The following SLC25A25 variants were observed in gnomAD, a reference collection of about 807,000 sequenced individuals.
The protein encoded by SLC25A25 is solute carrier family 25 member 25.
A neutral mutation model predicts 57.7 loss-of-function variants in SLC25A25; 32 were observed. The observed-to-expected ratio is 0.55, with a 90% CI of 0.42 to 0.74. The LOEUF is 0.74. SLC25A25 is among the 30% of genes least tolerant of loss of function. The pLI is 0.00. For synonymous variants in SLC25A25, 306 were observed against 291.2 expected (o/e 1.05, Z -0.52); for missense variants, 556 against 701.3 (o/e 0.79, Z 2.34).
rs1398642632 is a variant in SLC25A25, at chr9:128,103,754, G to A, written c.698G>A (p.Trp233Ter). The A allele has an allele frequency of 6.2e-7, 1 of 1,614,144 alleles. No individual in the cohort carries two copies. The highest frequency in any genetic ancestry group is 8.5e-7 in the Non-Finnish European group (1 of 1,180,010). Residue 233 changes from tryptophan (W) to a stop codon, truncating the protein, a stop_gained, in exon 6 of 11, where the codon TGG (tryptophan) becomes TAG (stop). Coordinates refer to ENST00000373069, the MANE Select transcript of SLC25A25 (RefSeq NM_001330988.2). LOFTEE classifies it high-confidence loss of function. This position sits in a 1 kb window ranked among gnomAD's most constrained non-coding sequence, Gnocchi z 6.7. ...TVEERQTGMW[W>*]RHLVAGGGAG... Reference sequence around the variant, plus strand: ...GAGGAGAGGCAGACGGGGATGTGGTGGAGACACCTGGTGGCAGGAGGTGGG... The same window carrying A: ...GAGGAGAGGCAGACGGGGATGTGGTAGAGACACCTGGTGGCAGGAGGTGGG...
At chr9:128,086,844 C>A (rs1833286831) in intron 1 of SLC25A25, among the ~76,000 whole-genome samples, 1 of 152,172 alleles carries the variant, frequency 6.6e-6, no homozygotes, top group Non-Finnish European at 1.5e-5. Context: ...GGTCCTCATG[C>A]ATTTTACTGT....
chr9:128,077,979 C>T (rs1319671750), intron 1 of SLC25A25, among the ~76,000 whole-genome samples: 1 of 150,984 alleles, frequency 6.6e-6, no homozygotes, highest in East Asian at 1.9e-4. Context: ...TGAACCGAGA[C>T]TGCGCCACTG....
chr9:128,069,792 C>T (rs1832860463), intron 1 of SLC25A25, among the ~76,000 whole-genome samples: 1 of 152,194 alleles, frequency 6.6e-6, no homozygotes, highest in Non-Finnish European at 1.5e-5. Flanking sequence ...GGTTCTGTCT[C>T]CCAGGCTGGA....
At position 128,107,007 on chromosome 9, in the gene SLC25A25, C is replaced by T. The variant is rs778536400; in HGVS notation, c.1213-22C>T. 4.3e-6 allele frequency: 7 copies of T among 1,610,564 alleles called. No individual in the cohort carries two copies. In the South Asian group the frequency reaches 5.5e-5, roughly 13 times the overall value. On this transcript the variant is annotated intron_variant, in intron 9 of 10. Coordinates refer to ENST00000373069, the MANE Select transcript of SLC25A25 (RefSeq NM_001330988.2). ...TCACTAGCCCTTCCTAGGGCTTATC[C>T]CATGCTCCCTTCTCCTTCTAGACGC...
At chr9:128,100,275 C>T (rs1483995505) in intron 1 of SLC25A25, among the ~76,000 whole-genome samples, 7 of 152,106 alleles carry the variant, frequency 4.6e-5, no homozygotes, top group Non-Finnish European at 1.0e-4. Context: ...AATGTGTGCT[C>T]TCGTGGAGCT....
chr9:128,105,702 G>A (rs372658490), intron 6 of SLC25A25, 27 bp from the exon 7 acceptor site: 97 of 1,611,570 alleles, frequency 6.0e-5, no homozygotes, highest in Non-Finnish European at 7.9e-5. Flanking sequence ...CCCCGGGTCC[G>A]TCTGACTGTT....
At chr9:128,085,459 A>G (rs1164906348) in intron 1 of SLC25A25, among the ~76,000 whole-genome samples, 1 of 152,174 alleles carries the variant, frequency 6.6e-6, no homozygotes, top group Non-Finnish European at 1.5e-5. Flanking sequence ...GCAAGACCCT[A>G]TCTTTGCATA....
intron 1 of SLC25A25, among the ~76,000 whole-genome samples, chr9:128,072,629 A>T (rs1169206801): frequency 6.6e-6 from 1 of 152,208 alleles, no homozygotes; most frequent in African/African-American, 2.4e-5. Context: ...TGGGCAGAGA[A>T]ACCGTTGGCA....
intron 6 of SLC25A25, among the ~76,000 whole-genome samples, chr9:128,104,865 AT>A (rs1175870919): frequency 1.8e-4 from 16 of 89,844 alleles, no homozygotes; most frequent in African/African-American, 4.2e-4. Flanking sequence ...TATTATTATT[AT>A]TATATTTTTT....
At chr9:128,076,396 G>A (rs1460337718) in intron 1 of SLC25A25, among the ~76,000 whole-genome samples, 1 of 152,050 alleles carries the variant, frequency 6.6e-6, no homozygotes, top group Non-Finnish European at 1.5e-5. Context: ...CTCCCAAAGT[G>A]TTAGGATTAC....
intron 9 of SLC25A25, 124 bp downstream of exon 9, chr9:128,106,644 T>C (rs1233621100): frequency 2.4e-6 from 3 of 1,229,310 alleles, no homozygotes; most frequent in Non-Finnish European, 3.3e-6. Flanking sequence ...TCCTTCCTGC[T>C]CTTCTGTTTA....
Position 128,090,610 on chromosome 9 carries a change from A to C in SLC25A25, c.262-10486A>C, listed in dbSNP as rs187128236. On this transcript the variant is annotated intron_variant, in intron 1 of 10. Coordinates refer to ENST00000373069, the MANE Select transcript of SLC25A25 (RefSeq NM_001330988.2). ...TGGATCACTTGAGGTCAGGAGTTTG[A>C]GACCAGCCTGGTCAACATGGTGAAA... Among the ~76,000 whole-genome samples, 1,353 of 149,216 alleles carry C rather than the reference A, an allele frequency of 9.1e-3. 23 individuals carry two copies. Among genetic ancestry groups the C allele is most frequent in the African/African-American group, 0.032 (1,301 of 41,074 alleles).
chr9:128,098,470 G>A, intron 1 of SLC25A25: 2 of 1,506,716 alleles, frequency 1.3e-6, no homozygotes, highest in Non-Finnish European at 1.8e-6. Flanking sequence ...TGACAGCTGA[G>A]GCCAGGCTTG....
At chr9:128,069,149 G>A (rs1232235725) in intron 1 of SLC25A25, among the ~76,000 whole-genome samples, 1 of 152,234 alleles carries the variant, frequency 6.6e-6, no homozygotes, top group African/African-American at 2.4e-5. Context: ...AAATGGGATC[G>A]TGATCCCCGC....
intron 1 of SLC25A25, among the ~76,000 whole-genome samples, chr9:128,071,985 T>C (rs980007722): frequency 5.3e-5 from 8 of 152,198 alleles, no homozygotes; most frequent in African/African-American, 1.9e-4. Context: ...AGTTCAGGGA[T>C]TACAGGCGCG....
At chr9:128,106,895 C>T (rs1834062742) in intron 9 of SLC25A25, 134 bp from the exon 10 acceptor site, 5 of 1,104,320 alleles carry the variant, frequency 4.5e-6, no homozygotes, top group South Asian at 1.5e-5. Flanking sequence ...AACAGGGCAG[C>T]CAGGCTAGGA....
intron 1 of SLC25A25, among the ~76,000 whole-genome samples, chr9:128,087,343 C>T (rs1051226655): frequency 6.6e-6 from 1 of 152,088 alleles, no homozygotes; most frequent in African/African-American, 2.4e-5. Flanking sequence ...CTTACTGCAA[C>T]CTCCGCCTTT....
At chr9:128,094,079 C>T (rs1833491046) in intron 1 of SLC25A25, among the ~76,000 whole-genome samples, 2 of 152,114 alleles carry the variant, frequency 1.3e-5, no homozygotes, top group African/African-American at 2.4e-5. Context: ...ATCCAGGAGG[C>T]GGAGGTTGCA....
chr9:128,072,066 T>C (rs918381822), intron 1 of SLC25A25, among the ~76,000 whole-genome samples: 10 of 152,360 alleles, frequency 6.6e-5, no homozygotes, highest in African/African-American at 2.4e-4. Context: ...TCAGTTGTTA[T>C]ACAGCTTTGA....
Sources: gnomAD v4.1 joint callset for allele counts (sites outside exome capture counted in the v4.1 genomes callset) on GRCh38, gnomAD v4.1.1 for gene constraint, Gnocchi (gnomAD v3.1) non-coding constraint, MANE v1.5 for transcripts, NCBI Gene and HGNC (gene_info 2026-07-23, HGNC 2026-07-21) for gene names.